TEX2: variants seen among roughly 807,000 people sequenced by gnomAD.
TEX2 encodes the protein testis expressed 2, also known as testis-expressed protein 2.
Under a neutral mutation model 106.9 loss-of-function variants are expected in TEX2, and 53 were observed. The ratio of observed to expected loss-of-function variants is 0.50; its 90% CI spans 0.40 to 0.62. TEX2 has a LOEUF of 0.62. Among genes scored for constraint, TEX2 ranks in the 20% least tolerant of loss-of-function variants. The pLI is 0.00. For synonymous variants in TEX2, 523 were observed against 534.8 expected (o/e 0.98, Z 0.30); for missense variants, 1,207 against 1,379.0 (o/e 0.88, Z 1.98).
intron 1 of TEX2, among the ~76,000 whole-genome samples, chr17:64,225,552 C>A (rs1158226714): frequency 6.6e-6 from 1 of 152,016 alleles, no homozygotes; most frequent in Non-Finnish European, 1.5e-5. Context: ...ATTCCTAAAC[C>A]GTAGGCTCTT....
intron 1 of TEX2, among the ~76,000 whole-genome samples, chr17:64,249,571 T>C (rs1225370994): frequency 1.3e-5 from 2 of 152,224 alleles, no homozygotes; most frequent in Non-Finnish European, 2.9e-5. Flanking sequence ...ATTAACACTT[T>C]GGCATTAAAA....
chr17:64,155,591 A>G (rs77603169), intron 8 of TEX2: 2 of 152,112 alleles, frequency 1.3e-5, no homozygotes, highest in African/African-American at 4.8e-5. Flanking sequence ...CACACACACA[A>G]AAAGTCTCAG....
rs1267482477 is a variant in TEX2, at chr17:64,185,903, A to C, written c.2424+2265T>G. 6.6e-6 allele frequency among the ~76,000 whole-genome samples: 1 copy of C among 152,086 alleles called. No homozygotes were observed. The highest frequency in any genetic ancestry group is 1.5e-5 in the Non-Finnish European group (1 of 68,006). On this transcript the variant is annotated intron_variant, in intron 5 of 11. Transcript: ENST00000584379. The surrounding 1 kb of genome is among the most constrained non-coding windows in gnomAD (Gnocchi z 4.0). ...CGCCATTGCACTCCAGCCTGGGGAA[A>C]AAGAGCAAAACTCCATCTCAAAAAA...
Position 64,193,805 on chromosome 17 carries a change from C to A in TEX2, c.1930G>T (p.Asp644Tyr). ...TCAGTCTGAGCTTTAGACATAAAGT[C>A]ATCTTGCTGACCAAGCTCGATACAA... ...PICIELGQQD[D>Y]FMSKAQTDKE... The change falls in exon 4 of 12, where the codon GAC becomes TAC. Residue 644 changes from aspartate to tyrosine, a missense_variant. Asp to Tyr is a radical substitution (Grantham distance 160, BLOSUM62 -3). This residue lies in a region of TEX2 where 1,067 missense variants were observed against 1,193.6 expected (regional missense o/e 0.89). Coordinates refer to ENST00000584379, the MANE Select transcript of TEX2 (RefSeq NM_001288732.2). The A allele has an allele frequency of 1.2e-6, 2 of 1,608,314 alleles. No individual in the cohort carries two copies. The highest frequency in any genetic ancestry group is 1.7e-6 in the Non-Finnish European group (2 of 1,176,338).
chr17:64,262,913 A>G lies in TEX2; in HGVS notation c.-26+255T>C, dbSNP rs2034322000. 2.0e-5 allele frequency among the ~76,000 whole-genome samples: 3 copies of G among 151,932 alleles called. No individual in the cohort carries two copies. In the South Asian group the frequency reaches 6.2e-4, roughly 32 times the overall value. ...CGCAGGCTGAGGGGACGGGGCCGGC[A>G]GCTCCTCCCGCCGGAGTCGAGCCCG... On this transcript the variant is annotated intron_variant, in intron 1 of 11. Transcript: ENST00000584379.
Position 64,214,258 on chromosome 17 carries a change from G to T in TEX2, c.-25-16C>A. The T allele has an allele frequency of 1.5e-5, 23 of 1,573,448 alleles. No individual in the cohort carries two copies. The highest frequency in any genetic ancestry group is 1.9e-5 in the Non-Finnish European group (22 of 1,156,456). ...GGCTCAGGCTCTGTGAAAACAGTGAGAAAACCAGAAGTCAGAGAGCAGTTT... is the reference window on the plus strand; with the variant it reads ...GGCTCAGGCTCTGTGAAAACAGTGATAAAACCAGAAGTCAGAGAGCAGTTT... On this transcript the variant is annotated splice_polypyrimidine_tract_variant and intron_variant, in intron 1 of 11. Coordinates refer to ENST00000584379, the MANE Select transcript of TEX2 (RefSeq NM_001288732.2).
intron 1 of TEX2, among the ~76,000 whole-genome samples, chr17:64,247,237 C>T (rs1181084406): frequency 6.7e-6 from 1 of 149,278 alleles, no homozygotes; most frequent in African/African-American, 2.5e-5. Flanking sequence ...CCATTGTACT[C>T]TAGCCTGGGT....
At chr17:64,261,996 T>C (rs1458684647) in intron 1 of TEX2, among the ~76,000 whole-genome samples, 1 of 152,214 alleles carries the variant, frequency 6.6e-6, no homozygotes, top group Non-Finnish European at 1.5e-5. Context: ...CCTCCATTTT[T>C]CCTTATTGTT....
rs373186433 is a variant in TEX2, at chr17:64,212,811, C to T, written c.1407G>A (p.Pro469=). Residue 469 remains proline, a synonymous_variant, in exon 2 of 12, where the codon CCG becomes CCA. Transcript: ENST00000584379. ...AGCCCAACGTCTTCACTGGCAATTC[C>T]GGGTGCTGCACGGCCGAGTCCACCT... ...EDEVDSAVQH[P]ELPVKTLGFF... The T allele has an allele frequency of 2.4e-5, 38 of 1,613,906 alleles. No individual in the cohort carries two copies. In the East Asian group the frequency reaches 3.3e-4, roughly 14 times the overall value.
chr17:64,149,384 T>G (rs1266895553), intron 11 of TEX2: 1 of 298,540 alleles, frequency 3.3e-6, no homozygotes, highest in Admixed American at 4.8e-5. Context: ...TCCAACAATT[T>G]AAGAGAATTG....
chr17:64,213,795 C>G lies in TEX2; in HGVS notation c.423G>C (p.Ser141=), dbSNP rs782301531. 11 of 1,614,032 alleles carry G rather than the reference C, an allele frequency of 6.8e-6. No homozygotes were observed. The highest frequency in any genetic ancestry group is 1.3e-5 in the African/African-American group (1 of 74,902). Reference sequence around the variant, plus strand: ...CACTGGGAGAGCTAGCTAAGGGCCCCGACGAAGACGACCCTGGGGACACAG... The same window carrying G: ...CACTGGGAGAGCTAGCTAAGGGCCCGGACGAAGACGACCCTGGGGACACAG... ...PLAVSPGSSS[S]GPLASSPSVS... is the part of the protein sequence containing the mutation. The change falls in exon 2 of 12, where the codon TCG becomes TCC. Residue 141 remains serine, a synonymous_variant. Coordinates refer to ENST00000584379, the MANE Select transcript of TEX2 (RefSeq NM_001288732.2). The surrounding 1 kb of genome is among the most constrained non-coding windows in gnomAD (Gnocchi z 4.4).
At chr17:64,206,987 T>G (rs1479831438) in intron 2 of TEX2, among the ~76,000 whole-genome samples, 2 of 152,352 alleles carry the variant, frequency 1.3e-5, no homozygotes, top group African/African-American at 4.8e-5. Context: ...ACTACTTGGC[T>G]GCAAATTGGT....
intron 1 of TEX2, among the ~76,000 whole-genome samples, chr17:64,247,661 G>A (rs1457110791): frequency 1.3e-5 from 2 of 152,158 alleles, no homozygotes; most frequent in East Asian, 1.9e-4. Flanking sequence ...TTCTTCTACC[G>A]TGAATTGGTC....
rs962727757 is a variant in TEX2, at chr17:64,189,602, G to A, written c.2177-1187C>T. Among the ~76,000 whole-genome samples the A allele has an allele frequency of 3.9e-5, 6 of 152,148 alleles. No homozygotes were observed. The South Asian group carries it at 8.3e-4, about 21-fold the overall frequency. On this transcript the variant is annotated intron_variant, in intron 4 of 11. Coordinates refer to ENST00000584379, the MANE Select transcript of TEX2 (RefSeq NM_001288732.2). ...TCGAATTTAATATTGACCCTGTTGC[G>A]CCAGAGGTTTTAAGCATGGGATGCG...
At chr17:64,169,078 G>A (rs566708751) in intron 7 of TEX2, among the ~76,000 whole-genome samples, 31 of 151,912 alleles carry the variant, frequency 2.0e-4, no homozygotes, top group East Asian at 1.2e-3. Context: ...TCGCTCTGTC[G>A]CCCAGGCTGG....
chr17:64,159,431 C>T (rs1252075919), intron 8 of TEX2, among the ~76,000 whole-genome samples: 1 of 152,208 alleles, frequency 6.6e-6, no homozygotes, highest in South Asian at 2.1e-4. Flanking sequence ...GGGGTGGGGA[C>T]AGCAGGACAA....
At chr17:64,233,346 G>T (rs2033698427) in intron 1 of TEX2, among the ~76,000 whole-genome samples, 1 of 152,174 alleles carries the variant, frequency 6.6e-6, no homozygotes, top group African/African-American at 2.4e-5. Context: ...GGCCAAGGTG[G>T]GTGGATCACG....
intron 1 of TEX2, chr17:64,239,144 C>T (rs1555635455): frequency 1.3e-5 from 2 of 152,158 alleles, no homozygotes; most frequent in African/African-American, 4.8e-5. Context: ...CATGTCTAGA[C>T]AACTCCTTTT....
At chr17:64,177,207 TA>T in intron 6 of TEX2, 117 bp downstream of exon 6, 1 of 1,179,858 alleles carries the variant, frequency 8.5e-7, no homozygotes, top group South Asian at 1.3e-5. Flanking sequence ...GAGAACTTAC[TA>T]CCCTCATATG....
Sources: allele counts gnomAD v4.1 joint callset (sites outside exome capture counted in the v4.1 genomes callset), GRCh38; gene constraint gnomAD v4.1.1; regional missense constraint gnomAD v4.1.1; non-coding constraint Gnocchi (gnomAD v3.1); transcripts MANE v1.5; gene names NCBI Gene and HGNC (gene_info 2026-07-23, HGNC 2026-07-21).